Variants in KLHL13 observed in about 807,000 individuals in gnomAD.
KLHL13 encodes the protein kelch-like protein 13.
In KLHL13, 10 loss-of-function variants were observed where a neutral mutation model predicts 37.1. The observed-to-expected ratio is 0.27, with a 90% confidence interval of 0.17 to 0.46. The LOEUF is 0.46. KLHL13 is among the 20% of genes least tolerant of loss of function. The pLI is 1.00. For synonymous variants in KLHL13, 163 were observed against 181.2 expected (o/e 0.90, Z 0.81); for missense variants, 360 against 509.3 (o/e 0.71, Z 2.82).
At chrX:118,065,175 A>G (rs1009762820) in intron 1 of KLHL13, among the ~76,000 whole-genome samples, 10 of 111,930 alleles carry the variant, frequency 8.9e-5, no homozygotes, top group African/African-American at 3.2e-4. Flanking sequence ...AAAGTAATAA[A>G]AGAATAGTCA....
rs59085638 is a variant in KLHL13 at position 118,099,919 on chromosome X, AAAGG to A, written c.-56+16585_-56+16588del. On this transcript the variant is annotated intron_variant, in intron 1 of 6. Transcript: ENST00000371882. ...AGAAGGAAGGAAAGAAGGAAGGAAG[AAAGG>A]AAGGAAGGAAGGAAGGAAGGAAGGA... Among the ~76,000 whole-genome samples the A allele has an allele frequency of 9.3e-3, 949 of 102,179 alleles. 3 individuals carry two copies. Among genetic ancestry groups the A allele is most frequent in the East Asian group, 0.021 (69 of 3,223 alleles). 88.7% of individuals were successfully genotyped at this position (102,179 alleles called of 115,157 possible). A position where few individuals can be genotyped will look rare whatever the true frequency, so the allele number is the denominator to read the frequency against.
intron 1 of KLHL13, among the ~76,000 whole-genome samples, chrX:117,949,521 T>G (rs765223040): frequency 9.0e-6 from 1 of 111,660 alleles, no homozygotes; most frequent in Non-Finnish European, 1.9e-5. Flanking sequence ...TAAATATGTT[T>G]GTTGGAATGC....
chrX:118,053,332 C>T (rs1017985819), intron 1 of KLHL13, among the ~76,000 whole-genome samples: 1 of 111,788 alleles, frequency 8.9e-6, no homozygotes, highest in Non-Finnish European at 1.9e-5. Flanking sequence ...GAGTTCATGT[C>T]CTTTGTAGGA....
intron 2 of KLHL13, among the ~76,000 whole-genome samples, chrX:117,939,913 T>A (rs1363220837): frequency 8.9e-6 from 1 of 111,758 alleles, no homozygotes; most frequent in African/African-American, 3.3e-5. Context: ...CTGATGATAG[T>A]TTCTTTTGGT....
chrX:117,954,227 T>C (rs1490502553), intron 1 of KLHL13, among the ~76,000 whole-genome samples: 5 of 112,456 alleles, frequency 4.4e-5, no homozygotes, highest in Non-Finnish European at 9.4e-5. Flanking sequence ...TTCAAGACTT[T>C]AGTGTCCCTT....
chrX:118,070,503 G>A (rs2054846442), intron 1 of KLHL13, among the ~76,000 whole-genome samples: 1 of 111,372 alleles, frequency 9.0e-6, no homozygotes, highest in Admixed American at 9.5e-5. Context: ...TTGTTTGATG[G>A]CCTAGTATAT....
At chrX:117,953,172 T>G (rs1933720375) in intron 1 of KLHL13, among the ~76,000 whole-genome samples, 1 of 110,343 alleles carries the variant, frequency 9.1e-6, no homozygotes, top group Non-Finnish European at 1.9e-5. Flanking sequence ...CCAACAATGA[T>G]AGACTGGATT....
At chrX:117,920,670 T>C (rs1439261187) in intron 2 of KLHL13, among the ~76,000 whole-genome samples, 5 of 112,072 alleles carry the variant, frequency 4.5e-5, no homozygotes, top group Non-Finnish European at 7.5e-5. Flanking sequence ...TGAAAAATAA[T>C]TACAATGTGC....
In KLHL13 at chrX:117,967,814, T is replaced by C. The variant is rs1467075816; in HGVS notation, c.98+4917A>G. Among the ~76,000 whole-genome samples, 5 of 111,991 alleles carry C rather than the reference T, an allele frequency of 4.5e-5. No individual in the cohort carries two copies. In the East Asian group the frequency reaches 1.4e-3, roughly 31 times the overall value. Reference sequence around the variant, plus strand: ...TTGCACATGCCAGGCTTCCTCAGACTAAAAGATCTGAAGAAGCTAAAAGAA... The same window carrying C: ...TTGCACATGCCAGGCTTCCTCAGACCAAAAGATCTGAAGAAGCTAAAAGAA... On this transcript the variant is annotated intron_variant, in intron 1 of 6. Transcript: ENST00000262820.
chrX:117,964,678 C>T (rs1290280213), intron 1 of KLHL13, among the ~76,000 whole-genome samples: 1 of 111,467 alleles, frequency 9.0e-6, no homozygotes, highest in Admixed American at 9.5e-5. Flanking sequence ...TGTTGGTGTG[C>T]TGCACCCATT....
chrX:118,070,689 C>A (rs1184991405), intron 1 of KLHL13, among the ~76,000 whole-genome samples: 1 of 108,781 alleles, frequency 9.2e-6, no homozygotes, highest in Non-Finnish European at 1.9e-5. Context: ...AGGTGGTTTA[C>A]AATTTTCCAC....
chrX:117,997,839 A>G (rs745815551), intron 1 of KLHL13, among the ~76,000 whole-genome samples: 156 of 112,055 alleles, frequency 1.4e-3, no homozygotes, highest in Non-Finnish European at 2.5e-3. Flanking sequence ...AGTACCCCTG[A>G]AGGCACCCAC....
At chrX:118,082,812 T>C (rs749446326) in intron 1 of KLHL13, among the ~76,000 whole-genome samples, 66 of 111,857 alleles carry the variant, frequency 5.9e-4, no homozygotes, top group African/African-American at 2.0e-3. Flanking sequence ...TTTTTCTGCA[T>C]ATGGATATCC....
intron 5 of KLHL13, among the ~76,000 whole-genome samples, chrX:117,904,330 T>G (rs978142569): frequency 7.2e-5 from 8 of 111,801 alleles, no homozygotes; most frequent in African/African-American, 2.6e-4. Flanking sequence ...TAGATACACA[T>G]GCTCTTATTT....
chrX:118,052,521 CAAA>C (rs34474188), intron 1 of KLHL13, among the ~76,000 whole-genome samples: 4 of 65,278 alleles, frequency 6.1e-5, no homozygotes. Flanking sequence ...GACTCCGTCT[CAAA>C]AAAAAAAAAA....
intron 1 of KLHL13, among the ~76,000 whole-genome samples, chrX:118,024,479 G>A (rs190145458): frequency 9.0e-6 from 1 of 111,718 alleles, no homozygotes; most frequent in Non-Finnish European, 1.9e-5. Flanking sequence ...CCATGGACTG[G>A]AAGGAAATAT....
intron 4 of KLHL13, among the ~76,000 whole-genome samples, chrX:117,911,965 G>C (rs772092876): frequency 8.9e-6 from 1 of 111,963 alleles, no homozygotes. Flanking sequence ...TGAGTCTCTA[G>C]AAATAGACAG....
rs141163510 is a variant in KLHL13 at position 117,924,424 on chromosome X, C to A, written c.241-4054G>T. ...TTTTGCTTTCACTCATAAATCTTTTCCCCTATTTAAGAAGCCTTTCAAAGA... is the reference window on the plus strand; with the variant it reads ...TTTTGCTTTCACTCATAAATCTTTTACCCTATTTAAGAAGCCTTTCAAAGA... On this transcript the variant is annotated intron_variant, in intron 2 of 6. Transcript: ENST00000262820. Among the ~76,000 whole-genome samples, 6 of 112,019 alleles carry A rather than the reference C, an allele frequency of 5.4e-5. No homozygotes were observed. The East Asian group carries it at 1.4e-3, about 26-fold the overall frequency.
chrX:117,979,954 T>C (rs2053642261), intron 1 of KLHL13, among the ~76,000 whole-genome samples: 2 of 112,323 alleles, frequency 1.8e-5, no homozygotes, highest in South Asian at 7.3e-4. Context: ...GCTTTTCTGA[T>C]TGAATCTGTG....
Sources: gnomAD v4.1 joint callset for allele counts (sites outside exome capture counted in the v4.1 genomes callset) on GRCh38, gnomAD v4.1.1 for gene constraint, MANE v1.5 for transcripts, NCBI Gene and HGNC (gene_info 2026-07-23, HGNC 2026-07-21) for gene names.